Variants in PCDHA7 observed in about 807,000 individuals in gnomAD.
PCDHA7 encodes the protein protocadherin alpha-7.
Under a neutral mutation model 57.2 loss-of-function variants are expected in PCDHA7, and 37 were observed. That is an observed-to-expected ratio of 0.65 (90% CI 0.50 to 0.85). PCDHA7 has a LOEUF of 0.85. PCDHA7 is among the 40% of genes least tolerant of loss of function. The probability of loss-of-function intolerance (pLI) is 0.00; values close to 1 mark genes in which losing one functional copy is unlikely to be tolerated. For missense variants in PCDHA7, 1,188 were observed against 1,241.8 expected (o/e 0.96, Z 0.65); for synonymous variants, 553 against 558.8 (o/e 0.99, Z 0.15).
intron 1 of PCDHA7, chr5:140,855,916 A>G (rs2043673154): frequency 8.4e-7 from 1 of 1,191,010 alleles, no homozygotes. Flanking sequence ...CTCAAGGACT[A>G]GGAAGTAGCG....
At chr5:140,901,906 G>T (rs1275600408) in intron 1 of PCDHA7, among the ~76,000 whole-genome samples, 1 of 151,902 alleles carries the variant, frequency 6.6e-6, no homozygotes, top group Non-Finnish European at 1.5e-5. Context: ...TCATTGTGGA[G>T]ATCTTTCACT....
chr5:140,959,729 C>T (rs910806194), intron 1 of PCDHA7, among the ~76,000 whole-genome samples: 3 of 152,126 alleles, frequency 2.0e-5, no homozygotes, highest in South Asian at 4.1e-4. Context: ...ATAACATTAT[C>T]TCATCAAAAT....
At chr5:140,964,199 A>C (rs1183847716) in intron 1 of PCDHA7, among the ~76,000 whole-genome samples, 1 of 152,240 alleles carries the variant, frequency 6.6e-6, no homozygotes, top group Admixed American at 6.5e-5. Context: ...AGAGTATACC[A>C]TCTCTTTAGT....
At chr5:140,876,907 G>A (rs782597420) in intron 1 of PCDHA7, 1 of 1,614,022 alleles carries the variant, frequency 6.2e-7, no homozygotes, top group Admixed American at 1.7e-5. Flanking sequence ...CACGGTGTCG[G>A]CATGGGACGC....
At chr5:140,877,654 A>T in intron 1 of PCDHA7, 1 of 1,613,490 alleles carries the variant, frequency 6.2e-7, no homozygotes, top group South Asian at 1.1e-5. Flanking sequence ...AGCGCCGCCC[A>T]CCGTGAGCCG....
At chr5:140,967,001 A>G (rs1048933252) in intron 1 of PCDHA7, 5 of 1,605,060 alleles carry the variant, frequency 3.1e-6, no homozygotes, top group East Asian at 2.2e-5. Flanking sequence ...TTGCTTGCGC[A>G]TCAACCATCT....
At chr5:141,003,143 ACT>A (rs1162243146) in intron 3 of PCDHA7, among the ~76,000 whole-genome samples, 1 of 152,180 alleles carries the variant, frequency 6.6e-6, no homozygotes, top group East Asian at 1.9e-4. Context: ...CTTGGCAAAG[ACT>A]CTGACCTGAT....
intron 1 of PCDHA7, chr5:140,850,432 G>A: frequency 6.3e-7 from 1 of 1,597,826 alleles, no homozygotes; most frequent in Non-Finnish European, 8.6e-7. Context: ...CCGCGCCAGC[G>A]CCTACTGGTG....
chr5:140,839,881 A>G (rs1399090183), intron 1 of PCDHA7, among the ~76,000 whole-genome samples: 4 of 152,040 alleles, frequency 2.6e-5, no homozygotes, highest in African/African-American at 9.7e-5. Flanking sequence ...GATGAATAGA[A>G]TTTTGACAGA....
intron 1 of PCDHA7, among the ~76,000 whole-genome samples, chr5:140,897,549 T>C (rs1356591020): frequency 2.6e-5 from 4 of 152,140 alleles, no homozygotes; most frequent in African/African-American, 7.2e-5. Flanking sequence ...TAGTCTTCCA[T>C]GGTGTATATG....
chr5:141,003,740 C>T (rs1490080996), intron 3 of PCDHA7, among the ~76,000 whole-genome samples: 1 of 152,146 alleles, frequency 6.6e-6, no homozygotes, highest in African/African-American at 2.4e-5. Flanking sequence ...AAAGCAAAAC[C>T]ATATTTTGTA....
At chr5:140,954,221 T>C (rs1237648662) in intron 1 of PCDHA7, among the ~76,000 whole-genome samples, 2 of 152,252 alleles carry the variant, frequency 1.3e-5, no homozygotes, top group African/African-American at 4.8e-5. Flanking sequence ...TTTTTGCTAT[T>C]GTGAATAGTG....
chr5:140,989,681 A>C (rs1428237884), intron 3 of PCDHA7, among the ~76,000 whole-genome samples: 1 of 152,250 alleles, frequency 6.6e-6, no homozygotes, highest in Non-Finnish European at 1.5e-5. Flanking sequence ...CAGATTTCAA[A>C]GGAACGTGAA....
At chr5:140,839,391 TGA>T (rs2150297382) in intron 1 of PCDHA7, among the ~76,000 whole-genome samples, 1,897 of 151,830 alleles carry the variant, frequency 0.012, 32 homozygotes, top group Middle Eastern at 0.017. Context: ...ATGATGATGA[TGA>T]TGATTATTAT....
chr5:140,945,850 T>G (rs1472612975), intron 1 of PCDHA7, among the ~76,000 whole-genome samples: 1 of 152,102 alleles, frequency 6.6e-6, no homozygotes, highest in Non-Finnish European at 1.5e-5. Context: ...ATTAAAGACT[T>G]AAACATAGAC....
intron 1 of PCDHA7, among the ~76,000 whole-genome samples, chr5:140,846,372 TC>T (rs146357297): frequency 0.2 from 13,294 of 65,432 alleles, 1,456 homozygotes; most frequent in African/African-American, 0.26. Flanking sequence ...TTTCTTTCTT[TC>T]TTTTTTTTTT....
Position 140,848,391 on chromosome 5 carries a change from G to A in PCDHA7, c.2355+11653G>A. ...GGCTCAATTCTTTTTCACTCTCTCTGTGCTGAACGATGGCGAACACAGCAG... is the reference window on the plus strand; with the variant it reads ...GGCTCAATTCTTTTTCACTCTCTCTATGCTGAACGATGGCGAACACAGCAG... On this transcript the variant is annotated intron_variant, in intron 1 of 3. Coordinates refer to ENST00000525929, the MANE Select transcript of PCDHA7 (RefSeq NM_018910.3). The A allele has an allele frequency of 2.4e-6, 3 of 1,246,922 alleles. No homozygotes were observed. In the South Asian group the frequency reaches 4.3e-5, roughly 18 times the overall value. 77.2% of individuals were successfully genotyped at this position (1,246,922 alleles called of 1,614,324 possible).
Position 141,009,631 on chromosome 5 carries a change from A to G in PCDHA7, c.2508A>G (p.Pro836=). 6.2e-7 allele frequency: 1 copy of G among 1,613,068 alleles called. No individual in the cohort carries two copies. The highest frequency in any genetic ancestry group is 8.5e-7 in the Non-Finnish European group (1 of 1,179,354). The change falls in exon 4 of 4, where the codon CCA becomes CCG. Residue 836 remains proline (P), a synonymous_variant. Transcript: ENST00000525929. ...WPTVSSATPE[P]EAGEVSPPVG... is the part of the protein sequence containing the mutation. ...TTGTAATGTTTTGTCTTTCAGAACC[A>G]GAGGCAGGAGAAGTGTCCCCTCCAG...
At chr5:140,841,325 GA>G in intron 1 of PCDHA7, 4 of 1,608,154 alleles carry the variant, frequency 2.5e-6, no homozygotes, top group Non-Finnish European at 3.4e-6. Flanking sequence ...ATTTAACATG[GA>G]TTATCACTGG....
Sources: allele counts gnomAD v4.1 joint callset (sites outside exome capture counted in the v4.1 genomes callset), GRCh38; gene constraint gnomAD v4.1.1; transcripts MANE v1.5; gene names NCBI Gene and HGNC (gene_info 2026-07-23, HGNC 2026-07-21).